The following ATP8B1 variants were observed in gnomAD, a reference collection of about 807,000 sequenced individuals.
The protein encoded by ATP8B1 is ATPase phospholipid transporting 8B1, also known as phospholipid-transporting ATPase IC.
Under a neutral mutation model 149.9 loss-of-function variants are expected in ATP8B1, and 80 were observed. The ratio of observed to expected loss-of-function variants is 0.53; its 90% confidence interval spans 0.45 to 0.64. ATP8B1 has a LOEUF of 0.64. Among genes scored for constraint, ATP8B1 ranks in the 30% least tolerant of loss-of-function variants. The probability of loss-of-function intolerance (pLI) is 0.00; values close to 1 mark genes in which losing one functional copy is unlikely to be tolerated. For synonymous variants in ATP8B1, 536 were observed against 562.8 expected (o/e 0.95, Z 0.67); for missense variants, 1,247 against 1,552.6 (o/e 0.80, Z 3.31).
intron 12 of ATP8B1, 55 bp from the exon 13 acceptor site, chr18:57,688,562 G>T: frequency 1.3e-6 from 2 of 1,555,774 alleles, no homozygotes; most frequent in Admixed American, 3.4e-5. Context: ...GTGGCAAGTA[G>T]TAGAGATTTT....
intron 1 of ATP8B1, among the ~76,000 whole-genome samples, chr18:57,777,032 G>A (rs181793007): frequency 1.5e-3 from 229 of 151,022 alleles, no homozygotes; most frequent in East Asian, 2.3e-3. Flanking sequence ...GCTGGAGTAC[G>A]GTGGTGTGAT....
chr18:57,692,313 G>A (rs569889828), intron 11 of ATP8B1, among the ~76,000 whole-genome samples: 28 of 150,492 alleles, frequency 1.9e-4, no homozygotes, highest in Admixed American at 8.0e-4. Context: ...TCTCAATTAC[G>A]TTTACTTTGA....
intron 24 of ATP8B1, among the ~76,000 whole-genome samples, chr18:57,653,136 C>T (rs1909739130): frequency 6.6e-6 from 1 of 151,830 alleles, no homozygotes; most frequent in South Asian, 2.1e-4. Context: ...CTTTATAGTG[C>T]TTCTTTCTTT....
At chr18:57,742,947 T>C (rs2079931666) in intron 1 of ATP8B1, among the ~76,000 whole-genome samples, 1 of 152,200 alleles carries the variant, frequency 6.6e-6, no homozygotes, top group South Asian at 2.1e-4. Context: ...AGCAGCTTTT[T>C]CATTCCCCTG....
rs1415398746 is a variant in ATP8B1 at position 57,697,674 on chromosome 18, C to T, written c.642G>A (p.Leu214=). ...KNDFVPADIL[L]LSSSEPNSLC... is the part of the protein sequence containing the mutation. The stretch of plus-strand genomic sequence containing the variant: ...GGCTGTTAGGCTCAGAGCTAGACAG[C>T]AGGAGAATGTCAGCCTGTCCAAAAC... Residue 214 remains leucine, a synonymous_variant, in exon 8 of 28, where the codon CTG becomes CTA. Transcript: ENST00000648908. 6.2e-7 allele frequency: 1 copy of T among 1,614,000 alleles called. No homozygotes were observed. Among genetic ancestry groups the T allele is most frequent in the Non-Finnish European group, 8.5e-7 (1 of 1,180,020 alleles).
chr18:57,677,645 GTC>G (rs1248917462), intron 15 of ATP8B1, among the ~76,000 whole-genome samples: 3 of 152,190 alleles, frequency 2.0e-5, no homozygotes, highest in Admixed American at 6.5e-5. Flanking sequence ...GACACTTAGG[GTC>G]TCTCTGTATT....
chr18:57,760,998 A>AAAATAACATAAAATAACATAAAATAAAAT (rs2080145862), intron 1 of ATP8B1, among the ~76,000 whole-genome samples: 2 of 64,194 alleles, frequency 3.1e-5, no homozygotes, highest in Non-Finnish European at 4.7e-5. Flanking sequence ...CAAATAAAAT[A>AAAATAACATAAAATAACATAAAATAAAAT]AAATAAAATA....
At chr18:57,765,560 T>A (rs2080203587) in intron 1 of ATP8B1, among the ~76,000 whole-genome samples, 1 of 151,362 alleles carries the variant, frequency 6.6e-6, no homozygotes, top group South Asian at 2.1e-4. Flanking sequence ...TCCCAGCTAC[T>A]TAGGAGGTTA....
intron 20 of ATP8B1, among the ~76,000 whole-genome samples, chr18:57,666,814 G>C (rs1195088112): frequency 6.6e-6 from 1 of 152,148 alleles, no homozygotes; most frequent in Non-Finnish European, 1.5e-5. Context: ...GGGATTACAG[G>C]CATGAGCCAC....
intron 2 of ATP8B1, among the ~76,000 whole-genome samples, chr18:57,714,459 G>A (rs557156215): frequency 3.1e-4 from 47 of 152,040 alleles, no homozygotes; most frequent in Non-Finnish European, 5.6e-4. Flanking sequence ...GACCCAGTGT[G>A]GTGCCAGCTT....
intron 1 of ATP8B1, among the ~76,000 whole-genome samples, chr18:57,764,577 C>T (rs1235445892): frequency 6.6e-6 from 1 of 151,590 alleles, no homozygotes; most frequent in African/African-American, 2.4e-5. Context: ...TGCCACCACA[C>T]CCGGCTAATT....
chr18:57,650,607 C>A, intron 26 of ATP8B1, 110 bp from the exon 27 acceptor site: 1 of 1,340,784 alleles, frequency 7.5e-7, no homozygotes, highest in Non-Finnish European at 1.0e-6. Context: ...CTTTGAGAGG[C>A]CAAGGTGGGT....
chr18:57,741,779 A>G, intron 1 of ATP8B1, among the ~76,000 whole-genome samples: 1 of 152,208 alleles, frequency 6.6e-6, no homozygotes, highest in East Asian at 1.9e-4. Context: ...GTTATTCCAA[A>G]GAGCCCCCAT....
In ATP8B1 at chr18:57,655,251, G is replaced by A; in HGVS notation, c.2874C>T (p.Asn958=). The change falls in exon 23 of 28, where the codon AAC becomes AAT. Residue 958 remains asparagine, a synonymous_variant. Coordinates refer to ENST00000648908, the MANE Select transcript of ATP8B1 (RefSeq NM_001374385.1). ...AGAAATGAACCAAAGTAAAGGCAAA[G>A]TTTTTGTAAAAGAAGTATCGTAGGA... ...CKFLRYFFYK[N]FAFTLVHFWY... The A allele has an allele frequency of 3.1e-6, 5 of 1,614,200 alleles. No individual in the cohort carries two copies. Among genetic ancestry groups the A allele is most frequent in the Non-Finnish European group, 4.2e-6 (5 of 1,180,010 alleles).
At chr18:57,688,617 G>T (rs1430286356) in intron 12 of ATP8B1, 110 bp from the exon 13 acceptor site, 4 of 1,103,242 alleles carry the variant, frequency 3.6e-6, no homozygotes, top group Admixed American at 3.9e-5. Context: ...TTACTGCTAT[G>T]GTCTGAATGT....
chr18:57,648,525 T>C lies in ATP8B1; in HGVS notation c.3719A>G (p.Asp1240Gly). Residue 1240 changes from aspartate to glycine, a missense_variant, in exon 28 of 28, where the codon GAT becomes GGT. Transcript: ENST00000648908. ...KRSPLDAIVA[D>G]GTAEYRRTGD... ...GGTGCGCCTGTACTCCGCGGTGCCATCCGCCACGATGGCATCAAGCGGCGA... is the reference window on the plus strand; with the variant it reads ...GGTGCGCCTGTACTCCGCGGTGCCACCCGCCACGATGGCATCAAGCGGCGA... The C allele has an allele frequency of 6.2e-7, 1 of 1,611,438 alleles. No homozygotes were observed. Among genetic ancestry groups the C allele is most frequent in the Non-Finnish European group, 8.5e-7 (1 of 1,179,992 alleles).
At chr18:57,713,017 G>C (rs1016813737) in intron 2 of ATP8B1, among the ~76,000 whole-genome samples, 13 of 151,950 alleles carry the variant, frequency 8.6e-5, no homozygotes, top group African/African-American at 3.1e-4. Flanking sequence ...AAGGCTGTGG[G>C]CCTTAATTGA....
chr18:57,661,713 A>ATATATT (rs1376167519), intron 21 of ATP8B1, among the ~76,000 whole-genome samples: 2 of 92,670 alleles, frequency 2.2e-5, no homozygotes, highest in African/African-American at 9.5e-5. Context: ...ATATATATAT[A>ATATATT]TTTTTTTTTT....
rs371386294 is a variant in ATP8B1 at position 57,697,907 on chromosome 18, G to A, written c.555-40C>T. 47 of 1,518,376 alleles carry A rather than the reference G, an allele frequency of 3.1e-5. No homozygotes were observed. In the African/African-American group the frequency reaches 5.5e-4, roughly 18 times the overall value. 94.1% of individuals were successfully genotyped at this position (1,518,376 alleles called of 1,614,324 possible). ...TAATGAGGATTTATTGACATTTTAA[G>A]TTACAGGCAAGGGAATTACTATTCT... On this transcript the variant is annotated intron_variant, in intron 6 of 27. Transcript: ENST00000648908.
Sources: gnomAD v4.1 joint callset for allele counts (sites outside exome capture counted in the v4.1 genomes callset) on GRCh38, gnomAD v4.1.1 for gene constraint, MANE v1.5 for transcripts, NCBI Gene and HGNC (gene_info 2026-07-23, HGNC 2026-07-21) for gene names.